TRAPPC9: variants seen among roughly 807,000 people sequenced by gnomAD.
The protein encoded by TRAPPC9 is trafficking protein particle complex subunit 9.
Under a neutral mutation model 124.0 loss-of-function variants are expected in TRAPPC9, and 83 were observed. The observed-to-expected ratio is 0.67, with a 90% CI of 0.56 to 0.80. TRAPPC9 has a LOEUF of 0.80. Ranked by LOEUF, TRAPPC9 falls within the 30% of genes least tolerant of loss-of-function variation. The pLI is 0.00. For missense variants in TRAPPC9, 1,302 were observed against 1,508.3 expected, an observed-to-expected ratio of 0.86 and a Z score of 2.27; for synonymous variants, 638 against 617.5, an observed-to-expected ratio of 1.03 and a Z score of -0.49.
At chr8:139,919,599 G>A (rs1330723978) in intron 19 of TRAPPC9, among the ~76,000 whole-genome samples, 1 of 152,166 alleles carries the variant, frequency 6.6e-6, no homozygotes, top group Admixed American at 6.5e-5. Flanking sequence ...ATTTTGTGAA[G>A]GTATAAAATG....
At chr8:139,743,251 T>C (rs1240429309) in intron 21 of TRAPPC9, among the ~76,000 whole-genome samples, 1 of 152,138 alleles carries the variant, frequency 6.6e-6, no homozygotes, top group African/African-American at 2.4e-5. Flanking sequence ...CTGCTGAAGG[T>C]TTATTTTTCC....
At chr8:140,359,235 C>T (rs558556967) in intron 9 of TRAPPC9, among the ~76,000 whole-genome samples, 46 of 152,248 alleles carry the variant, frequency 3.0e-4, no homozygotes, top group Non-Finnish European at 5.4e-4. Context: ...CCCATGAGTA[C>T]GTCCCAATAC....
chr8:140,285,951 C>A (rs1311500048), intron 13 of TRAPPC9, among the ~76,000 whole-genome samples: 1 of 152,244 alleles, frequency 6.6e-6, no homozygotes, highest in Non-Finnish European at 1.5e-5. Context: ...CAAACACACA[C>A]TGAAGACCTA....
At chr8:140,361,506 C>T (rs941991443) in intron 8 of TRAPPC9, among the ~76,000 whole-genome samples, 1 of 152,216 alleles carries the variant, frequency 6.6e-6, no homozygotes, top group Non-Finnish European at 1.5e-5. Context: ...GGCTTCAGTG[C>T]AATAACCCAT....
intron 16 of TRAPPC9, among the ~76,000 whole-genome samples, chr8:140,243,294 C>T (rs2063907357): frequency 6.6e-6 from 1 of 152,198 alleles, no homozygotes; most frequent in South Asian, 2.1e-4. Context: ...AGCCCATCTT[C>T]CTCTACAACG....
At chr8:140,420,603 A>T (rs1416323899) in intron 5 of TRAPPC9, among the ~76,000 whole-genome samples, 2 of 151,218 alleles carry the variant, frequency 1.3e-5, no homozygotes, top group Non-Finnish European at 2.9e-5. Context: ...TTGTTTTTAC[A>T]TTTTTTTTTC....
chr8:140,009,922 T>C (rs955195222), intron 18 of TRAPPC9, among the ~76,000 whole-genome samples: 1 of 152,172 alleles, frequency 6.6e-6, no homozygotes, highest in Non-Finnish European at 1.5e-5. Flanking sequence ...GGAGTATTAG[T>C]TCCAAGGAGG....
intron 9 of TRAPPC9, among the ~76,000 whole-genome samples, chr8:140,349,695 C>A (rs1262301056): frequency 6.6e-6 from 1 of 152,146 alleles, no homozygotes; most frequent in Non-Finnish European, 1.5e-5. Context: ...TGCGGCCCTT[C>A]CGCAACATTC....
intron 21 of TRAPPC9, among the ~76,000 whole-genome samples, chr8:139,754,153 C>T (rs1380981820): frequency 6.6e-6 from 1 of 152,224 alleles, no homozygotes; most frequent in Non-Finnish European, 1.5e-5. Flanking sequence ...CCCCCCCAGC[C>T]TGCTGCTGCT....
At chr8:139,906,198 A>G (rs894139557) in intron 20 of TRAPPC9, among the ~76,000 whole-genome samples, 5 of 152,220 alleles carry the variant, frequency 3.3e-5, no homozygotes, top group African/African-American at 2.4e-5. Context: ...CCCACTCTGG[A>G]AGCAGGATGG....
chr8:140,139,152 A>G (rs912945460), intron 17 of TRAPPC9, among the ~76,000 whole-genome samples: 6 of 152,182 alleles, frequency 3.9e-5, no homozygotes, highest in Admixed American at 3.3e-4. Flanking sequence ...CAAGAGTCCA[A>G]TGGGCACAGA....
intron 3 of TRAPPC9, among the ~76,000 whole-genome samples, chr8:140,437,654 T>C (rs1029933286): frequency 3.3e-5 from 5 of 152,234 alleles, no homozygotes; most frequent in African/African-American, 4.8e-5. Flanking sequence ...ATATTTAATA[T>C]GTTCTACGGC....
At chr8:139,807,815 A>G (rs1256309811) in intron 21 of TRAPPC9, among the ~76,000 whole-genome samples, 1 of 152,232 alleles carries the variant, frequency 6.6e-6, no homozygotes, top group Non-Finnish European at 1.5e-5. Context: ...TAAATAAAAA[A>G]ATATGAAAAA....
At chr8:140,033,673 T>TGTTTGTTTTGTTTTTTTTTTTTTTTTTG (rs1563706809) in intron 17 of TRAPPC9, among the ~76,000 whole-genome samples, 1 of 76,732 alleles carries the variant, frequency 1.3e-5, no homozygotes, top group Non-Finnish European at 2.6e-5. Flanking sequence ...TTTTTTTTTT[T>TGTTTGTTTTGTTTTTTTTTTTTTTTTTG]TTTTTTTTTT....
At chr8:139,768,127 G>A (rs2130418951) in intron 21 of TRAPPC9, among the ~76,000 whole-genome samples, 1 of 152,282 alleles carries the variant, frequency 6.6e-6, no homozygotes, top group South Asian at 2.1e-4. Flanking sequence ...AATACTTTCT[G>A]GAACATTTGC....
At chr8:140,278,899 G>A (rs1340539168) in intron 14 of TRAPPC9, among the ~76,000 whole-genome samples, 2 of 152,238 alleles carry the variant, frequency 1.3e-5, no homozygotes, top group African/African-American at 4.8e-5. Context: ...CTGGCCATCT[G>A]ACACTGCTTC....
chr8:139,827,318 C>T (rs1029945687), intron 21 of TRAPPC9, among the ~76,000 whole-genome samples: 4 of 152,206 alleles, frequency 2.6e-5, no homozygotes, highest in African/African-American at 9.7e-5. Flanking sequence ...ACATGCTAGA[C>T]GTCATTGCTA....
intron 17 of TRAPPC9, among the ~76,000 whole-genome samples, chr8:140,217,483 C>A (rs1052370188): frequency 1.3e-5 from 2 of 152,186 alleles, no homozygotes; most frequent in Non-Finnish European, 2.9e-5. Context: ...TGAGGAGTAA[C>A]ACCAGAAGGG....
chr8:140,094,730 G>C (rs1318707598), intron 17 of TRAPPC9, among the ~76,000 whole-genome samples: 2 of 152,184 alleles, frequency 1.3e-5, no homozygotes, highest in Non-Finnish European at 2.9e-5. Flanking sequence ...TGCCGCAACA[G>C]AGGCAAGCCT....
Sources: allele counts gnomAD v4.1 joint callset (sites outside exome capture counted in the v4.1 genomes callset), GRCh38; gene constraint gnomAD v4.1.1; transcripts MANE v1.5; gene names NCBI Gene and HGNC (gene_info 2026-07-23, HGNC 2026-07-21).